The following PDS5B variants were observed in gnomAD, a reference collection of about 807,000 sequenced individuals.
The protein encoded by PDS5B is PDS5 cohesin associated factor B.
PDS5B carries 51 observed loss-of-function variants against 184.1 expected under a neutral mutation model. The observed-to-expected ratio is 0.28, with a 90% CI of 0.22 to 0.35. The LOEUF is 0.35. PDS5B is among the 10% of genes least tolerant of loss of function. The pLI is 1.00. For missense variants in PDS5B, 1,180 were observed against 1,723.3 expected (o/e 0.68, Z 5.58); for synonymous variants, 566 against 569.2 (o/e 0.99, Z 0.08).
In PDS5B at chr13:32,775,088, TG is replaced by T; in HGVS notation, c.*38del. 5.7e-6 allele frequency: 6 copies of T among 1,059,780 alleles called. No homozygotes were observed. The highest frequency in any genetic ancestry group is 8.0e-6 in the Non-Finnish European group (6 of 749,304). 65.6% of individuals were successfully genotyped at this position (1,059,780 alleles called of 1,614,324 possible). Reference sequence around the variant, plus strand: ...TTAATAACTTTCTCTGTGAAAGCTTTGGAAAAATCTTTTTTTTTTTTTTTGG... The same window carrying T: ...TTAATAACTTTCTCTGTGAAAGCTTTGAAAAATCTTTTTTTTTTTTTTTGG... On this transcript the variant is annotated 3_prime_UTR_variant, in exon 35 of 35. Coordinates refer to ENST00000315596, the MANE Select transcript of PDS5B (RefSeq NM_015032.4).
intron 10 of PDS5B, among the ~76,000 whole-genome samples, chr13:32,682,960 C>G (rs1951286567): frequency 6.6e-6 from 1 of 152,104 alleles, no homozygotes; most frequent in Admixed American, 6.6e-5. Context: ...TGACACATCT[C>G]TTGCCTGTGA....
chr13:32,739,360 G>A (rs1953458163), intron 21 of PDS5B, among the ~76,000 whole-genome samples: 2 of 151,986 alleles, frequency 1.3e-5, no homozygotes, highest in Non-Finnish European at 1.5e-5. Flanking sequence ...TTTCCTTAAT[G>A]TTTTATAGTT....
intron 1 of PDS5B, among the ~76,000 whole-genome samples, chr13:32,606,541 T>C (rs2058063424): frequency 6.6e-6 from 1 of 152,208 alleles, no homozygotes; most frequent in African/African-American, 2.4e-5. Flanking sequence ...GACAATTGTG[T>C]GTGTTGGAGT....
chr13:32,719,473 A>G (rs1377409875), intron 19 of PDS5B, among the ~76,000 whole-genome samples: 1 of 151,786 alleles, frequency 6.6e-6, no homozygotes, highest in Non-Finnish European at 1.5e-5. Flanking sequence ...ATGAGCCACC[A>G]TGCCTGGCCT....
intron 21 of PDS5B, 23 bp downstream of exon 21, chr13:32,735,353 A>G (rs1566390733): frequency 5.1e-6 from 8 of 1,558,534 alleles, no homozygotes; most frequent in Non-Finnish European, 5.3e-6. Flanking sequence ...TTTTAGATTC[A>G]TGTTCTTTGT....
At position 32,759,703 on chromosome 13, in the gene PDS5B, A is replaced by G. The variant is rs751087538; in HGVS notation, c.3372+13A>G. 2 of 1,449,234 alleles carry G rather than the reference A, an allele frequency of 1.4e-6. No individual in the cohort carries two copies. Among genetic ancestry groups the G allele is most frequent in the African/African-American group, 1.4e-5 (1 of 71,156 alleles). 89.8% of individuals were successfully genotyped at this position (1,449,234 alleles called of 1,614,324 possible). A position where few individuals can be genotyped will look rare whatever the true frequency, so the allele number is the denominator to read the frequency against. On this transcript the variant is annotated intron_variant, in intron 29 of 34. Transcript: ENST00000315596. The stretch of plus-strand genomic sequence containing the variant: ...CACTCCTGGAAAAGTATGTTTTGAG[A>G]ATCATTTTAATTTTTATGTGGTAGC...
At chr13:32,717,735 A>C (rs1205854756) in intron 19 of PDS5B, among the ~76,000 whole-genome samples, 7 of 147,278 alleles carry the variant, frequency 4.8e-5, no homozygotes, top group Admixed American at 6.8e-5. Context: ...AAAAAAAAAA[A>C]GCACCAATGT....
rs1358323734 is a variant in PDS5B, at chr13:32,751,071, CTTCT to C, written c.2737-2258_2737-2255del. On this transcript the variant is annotated intron_variant, in intron 24 of 34. Transcript: ENST00000315596. ...AGAAGGCTTTGGTGTCTGTTCTTCT[CTTCT>C]TTGTGTTCATGTGTACTCAATGTTT... Among the ~76,000 whole-genome samples, 7 of 152,284 alleles carry C rather than the reference CTTCT, an allele frequency of 4.6e-5. No homozygotes were observed. In the East Asian group the frequency reaches 1.2e-3, roughly 25 times the overall value.
Position 32,742,708 on chromosome 13 carries a change from A to G in PDS5B, c.2593A>G (p.Thr865Ala). Residue 865 changes from threonine to alanine, a missense_variant, in exon 23 of 35, where the codon ACA becomes GCA. Physicochemically the swap from Thr to Ala is moderately conservative, Grantham distance 58. Around this residue, in one of 11 missense-constraint regions of PDS5B, gnomAD observed 475 missense variants for 691.5 expected, o/e 0.69. Transcript: ENST00000315596. ...AATATTGCATAGTGATGGAGACTTG[A>G]CAGAACAGGGGAAAATTAGGTATGC... The part of the protein sequence containing the change: ...TTILHSDGDL[T>A]EQGKISKPDM... The G allele has an allele frequency of 6.2e-7, 1 of 1,612,284 alleles. No individual in the cohort carries two copies. Among genetic ancestry groups the G allele is most frequent in the Non-Finnish European group, 8.5e-7 (1 of 1,178,754 alleles).
chr13:32,594,503 A>C (rs2057827731), intron 1 of PDS5B, among the ~76,000 whole-genome samples: 1 of 152,216 alleles, frequency 6.6e-6, no homozygotes, highest in African/African-American at 2.4e-5. Context: ...GCCTTCAGGA[A>C]GGGCTCAATA....
At chr13:32,769,729 G>A (rs1055169234) in intron 31 of PDS5B, among the ~76,000 whole-genome samples, 2 of 152,096 alleles carry the variant, frequency 1.3e-5, no homozygotes, top group African/African-American at 4.8e-5. Flanking sequence ...GCACTATGTG[G>A]TAAAATTAGA....
At chr13:32,667,736 T>G (rs1950839567) in intron 6 of PDS5B, 28 bp from the exon 7 acceptor site, 1 of 1,384,892 alleles carries the variant, frequency 7.2e-7, no homozygotes, top group Non-Finnish European at 1.0e-6. Flanking sequence ...TAGAGATATA[T>G]AATATAGATA....
At chr13:32,768,886 G>A (rs1334921997) in intron 31 of PDS5B, among the ~76,000 whole-genome samples, 1 of 146,040 alleles carries the variant, frequency 6.8e-6, no homozygotes, top group Admixed American at 7.0e-5. Flanking sequence ...CGGATCACAA[G>A]GTCAGGAGAT....
intron 9 of PDS5B, 125 bp from the exon 10 acceptor site, chr13:32,678,710 C>T: frequency 1.6e-6 from 1 of 617,016 alleles, no homozygotes; most frequent in South Asian, 2.1e-5. Flanking sequence ...TGGTTTGGTT[C>T]TACTTTGCAT....
At chr13:32,748,254 T>C (rs1313670267) in intron 24 of PDS5B, among the ~76,000 whole-genome samples, 6 of 152,208 alleles carry the variant, frequency 3.9e-5, no homozygotes, top group African/African-American at 7.2e-5. Flanking sequence ...TTGTCTCTCT[T>C]ACTCTCTTAT....
At chr13:32,665,365 G>A (rs1950757864) in intron 6 of PDS5B, among the ~76,000 whole-genome samples, 1 of 151,788 alleles carries the variant, frequency 6.6e-6, no homozygotes, top group African/African-American at 2.4e-5. Flanking sequence ...GCCGAGGCGG[G>A]CAGATCACGA....
chr13:32,746,141 T>C, intron 24 of PDS5B, 41 bp downstream of exon 24: 1 of 1,569,968 alleles, frequency 6.4e-7, no homozygotes, highest in Non-Finnish European at 8.7e-7. Context: ...TGAAGGTCTT[T>C]GACTTTTAGG....
rs146506807 is a variant in PDS5B, at chr13:32,738,260, A to G, written c.2407-2820A>G. Reference sequence around the variant, plus strand: ...ACGAGTGAAGTTGATGAATCACGGTATATAGACATATTTAACTTTTCACTT... The same window carrying G: ...ACGAGTGAAGTTGATGAATCACGGTGTATAGACATATTTAACTTTTCACTT... On this transcript the variant is annotated intron_variant, in intron 21 of 34. Coordinates refer to ENST00000315596, the MANE Select transcript of PDS5B (RefSeq NM_015032.4). Among the ~76,000 whole-genome samples, 1,045 of 152,318 alleles carry G rather than the reference A, an allele frequency of 6.9e-3. 10 individuals carry two copies. Among genetic ancestry groups the G allele is most frequent in the African/African-American group, 0.024 (990 of 41,574 alleles).
intron 33 of PDS5B, among the ~76,000 whole-genome samples, chr13:32,771,333 A>G (rs992274436): frequency 6.6e-6 from 1 of 152,188 alleles, no homozygotes; most frequent in African/African-American, 2.4e-5. Context: ...TCACACAAAC[A>G]CATTTATAAG....
Sources: allele counts gnomAD v4.1 joint callset (sites outside exome capture counted in the v4.1 genomes callset), GRCh38; gene constraint gnomAD v4.1.1; regional missense constraint gnomAD v4.1.1; transcripts MANE v1.5; gene names NCBI Gene and HGNC (gene_info 2026-07-23, HGNC 2026-07-21).